Variants in ST18 observed in about 807,000 individuals in gnomAD.
ST18 encodes ST18 C2H2C-type zinc finger transcription factor, also known as suppression of tumorigenicity 18 protein.
ST18 carries 50 observed loss-of-function variants against 110.0 expected under a neutral mutation model. The observed-to-expected ratio is 0.45, with a 90% CI of 0.36 to 0.58. The LOEUF is 0.58. ST18 is among the 20% of genes least tolerant of loss of function. The pLI, the probability that ST18 is intolerant of heterozygous loss-of-function variation, is 0.00. For missense variants in ST18, 1,306 were observed against 1,280.1 expected, an observed-to-expected ratio of 1.02 and a Z score of -0.31; for synonymous variants, 461 against 452.4, an observed-to-expected ratio of 1.02 and a Z score of -0.24.
intron 2 of ST18, among the ~76,000 whole-genome samples, chr8:52,340,651 A>G (rs1194986331): frequency 6.6e-6 from 1 of 152,120 alleles, no homozygotes; most frequent in African/African-American, 2.4e-5. Context: ...TTCTCCACTC[A>G]CTTTGTTATC....
At chr8:52,179,660 TAA>T (rs546033557) in intron 9 of ST18, among the ~76,000 whole-genome samples, 1 of 152,056 alleles carries the variant, frequency 6.6e-6, no homozygotes, top group Non-Finnish European at 1.5e-5. Context: ...TAAAAAAAAT[TAA>T]AAAAAATTTT....
chr8:52,349,174 T>C (rs984512980), intron 2 of ST18, among the ~76,000 whole-genome samples: 2 of 152,092 alleles, frequency 1.3e-5, no homozygotes, highest in African/African-American at 2.4e-5. Flanking sequence ...CCCTTGACAA[T>C]ATCTCCTTCT....
At chr8:52,171,651 T>A (rs1380887677) in intron 10 of ST18, 141 bp downstream of exon 10, 1 of 905,318 alleles carries the variant, frequency 1.1e-6, no homozygotes, top group Non-Finnish European at 1.7e-6. Context: ...AGAAAGAAAT[T>A]GTTTATTTTA....
chr8:52,127,132 G>T (rs1025487423), intron 22 of ST18, among the ~76,000 whole-genome samples: 1 of 152,096 alleles, frequency 6.6e-6, no homozygotes, highest in African/African-American at 2.4e-5. Context: ...ACATTTGGCA[G>T]GGTGAAAGAA....
intron 16 of ST18, among the ~76,000 whole-genome samples, chr8:52,149,138 C>A (rs769360172): frequency 6.6e-6 from 1 of 152,236 alleles, no homozygotes; most frequent in Non-Finnish European, 1.5e-5. Flanking sequence ...AATTCCTGCA[C>A]TGTCGCACCA....
Position 52,379,574 on chromosome 8 carries a change from C to T in ST18, c.-465+29754G>A, listed in dbSNP as rs189489738. ...GGACTTTTGCAACACTTCAAAAAAA[C>T]ATGCAGATGGATTTTGTAGCCGGTA... is the stretch of plus-strand genomic sequence containing the variant. On this transcript the variant is annotated intron_variant, in intron 2 of 25. Coordinates refer to ENST00000689386, the MANE Select transcript of ST18 (RefSeq NM_001352837.2). Among the ~76,000 whole-genome samples, 505 of 151,714 alleles carry T rather than the reference C, an allele frequency of 3.3e-3. 4 individuals are homozygous for T. Among genetic ancestry groups the T allele is most frequent in the African/African-American group, 0.012 (487 of 41,302 alleles).
At chr8:52,405,635 TCA>T (rs1189017603) in intron 2 of ST18, 1 of 152,212 alleles carries the variant, frequency 6.6e-6, no homozygotes, top group East Asian at 1.9e-4. Flanking sequence ...AAAGTGACAA[TCA>T]CAGTGGTAAA....
intron 2 of ST18, among the ~76,000 whole-genome samples, chr8:52,365,706 G>A (rs1827625270): frequency 6.6e-6 from 1 of 151,464 alleles, no homozygotes; most frequent in Non-Finnish European, 1.5e-5. Flanking sequence ...TGGGGGGTGG[G>A]GGGTTTCTGA....
intron 2 of ST18, among the ~76,000 whole-genome samples, chr8:52,378,112 G>A (rs1453116285): frequency 6.6e-6 from 1 of 152,024 alleles, no homozygotes; most frequent in East Asian, 1.9e-4. Context: ...AGACAGGGAG[G>A]GGAATAGAGA....
At position 52,331,374 on chromosome 8, in the gene ST18, C is replaced by T. The variant is rs368975304; in HGVS notation, c.-465+77954G>A. ...ATATATGCATATATCTATGCACACA[C>T]ATATATCTCCTAAATTATGTTAAGG... On this transcript the variant is annotated intron_variant, in intron 2 of 25. Coordinates refer to ENST00000689386, the MANE Select transcript of ST18 (RefSeq NM_001352837.2). 1.1e-4 allele frequency among the ~76,000 whole-genome samples: 17 copies of T among 151,728 alleles called. No individual in the cohort carries two copies. In the South Asian group the frequency reaches 2.7e-3, roughly 24 times the overall value.
At chr8:52,300,166 T>C (rs1016599797) in intron 2 of ST18, among the ~76,000 whole-genome samples, 2 of 152,178 alleles carry the variant, frequency 1.3e-5, no homozygotes, top group Non-Finnish European at 2.9e-5. Flanking sequence ...ATGTTTCCAT[T>C]GAGAGGGTAT....
chr8:52,198,492 G>A (rs2360804), intron 8 of ST18, among the ~76,000 whole-genome samples: 34,526 of 152,052 alleles, frequency 0.23, 6,257 homozygotes, highest in African/African-American at 0.5. Flanking sequence ...GAATGCTTCC[G>A]TTTATCCATC....
At chr8:52,183,139 C>T (rs1454724887) in intron 8 of ST18, among the ~76,000 whole-genome samples, 1 of 152,178 alleles carries the variant, frequency 6.6e-6, no homozygotes, top group Non-Finnish European at 1.5e-5. Context: ...TGGGTGATTT[C>T]TGTATGCATT....
intron 2 of ST18, among the ~76,000 whole-genome samples, chr8:52,332,841 ACT>A (rs1810236318): frequency 6.6e-6 from 1 of 151,956 alleles, no homozygotes; most frequent in African/African-American, 2.4e-5. Flanking sequence ...ACAGAGCAAG[ACT>A]CTGTCAAAAA....
intron 8 of ST18, among the ~76,000 whole-genome samples, chr8:52,200,006 C>CTGTT (rs1045147298): frequency 3.4e-4 from 51 of 152,166 alleles, no homozygotes; most frequent in Admixed American, 3.9e-4. Context: ...GACTTGTAGG[C>CTGTT]TGTTAGCTTT....
intron 24 of ST18, among the ~76,000 whole-genome samples, chr8:52,116,705 T>A (rs1380404040): frequency 1.3e-5 from 2 of 152,224 alleles, no homozygotes; most frequent in African/African-American, 2.4e-5. Flanking sequence ...TAAACTTTGC[T>A]ATTTTCCCCA....
At chr8:52,351,900 T>C (rs1400349102) in intron 2 of ST18, among the ~76,000 whole-genome samples, 1 of 152,116 alleles carries the variant, frequency 6.6e-6, no homozygotes, top group Non-Finnish European at 1.5e-5. Context: ...AGTCACAGAG[T>C]CTGAGAAGCG....
At chr8:52,198,844 G>T (rs1320290150) in intron 8 of ST18, among the ~76,000 whole-genome samples, 1 of 152,184 alleles carries the variant, frequency 6.6e-6, no homozygotes, top group Non-Finnish European at 1.5e-5. Context: ...ACTTTCTGTA[G>T]CCCTAACCCC....
intron 3 of ST18, among the ~76,000 whole-genome samples, chr8:52,223,920 C>A (rs1483385226): frequency 6.6e-6 from 1 of 152,084 alleles, no homozygotes; most frequent in East Asian, 1.9e-4. Context: ...GATACAGACT[C>A]CAAAGACCAC....
Sources: allele counts gnomAD v4.1 joint callset (sites outside exome capture counted in the v4.1 genomes callset), GRCh38; gene constraint gnomAD v4.1.1; transcripts MANE v1.5; gene names NCBI Gene and HGNC (gene_info 2026-07-23, HGNC 2026-07-21).